The following QTMAN variants were observed in gnomAD, a reference collection of about 807,000 sequenced individuals.
The protein encoded by QTMAN is tRNA-queuosine alpha-mannosyltransferase.
the QTMAN span, among the ~76,000 whole-genome samples, chr2:144,124,041 G>C: frequency 6.6e-6 from 1 of 152,086 alleles, no homozygotes; most frequent in Non-Finnish European, 1.5e-5. Context: ...ACAAGAAACT[G>C]TCTCTGAGTT....
the QTMAN span, among the ~76,000 whole-genome samples, chr2:144,108,770 A>G: frequency 6.6e-6 from 1 of 152,214 alleles, no homozygotes; most frequent in Admixed American, 6.5e-5. Context: ...CACCAATAAC[A>G]GACTAACAGA....
chr2:143,945,715 T>A, the QTMAN span: 1 of 152,332 alleles, frequency 6.6e-6, no homozygotes, highest in South Asian at 2.1e-4. Flanking sequence ...TGTGCCTCAC[T>A]TTGTGGTGTA....
the QTMAN span, among the ~76,000 whole-genome samples, chr2:144,094,438 A>C: frequency 1.3e-5 from 2 of 152,212 alleles, no homozygotes; most frequent in Admixed American, 1.3e-4. Flanking sequence ...TCCAAGACTG[A>C]GTAATTTCTT....
the QTMAN span, among the ~76,000 whole-genome samples, chr2:144,276,672 A>G: frequency 2.0e-5 from 3 of 152,192 alleles, no homozygotes; most frequent in South Asian, 6.2e-4. Context: ...TTACTCATCA[A>G]AAATTTAGAT....
the QTMAN span, among the ~76,000 whole-genome samples, chr2:144,249,939 A>C: frequency 1.3e-5 from 2 of 152,160 alleles, no homozygotes; most frequent in South Asian, 4.1e-4. Flanking sequence ...ATTCTAGAAA[A>C]TGTAAACCAA....
At chr2:144,321,097 T>C in the QTMAN span, among the ~76,000 whole-genome samples, 1 of 152,154 alleles carries the variant, frequency 6.6e-6, no homozygotes, top group African/African-American at 2.4e-5. Context: ...AGAGAATATA[T>C]CACCCCCCAC....
chr2:144,164,774 T>C, the QTMAN span, among the ~76,000 whole-genome samples: 629 of 152,294 alleles, frequency 4.1e-3, 2 homozygotes, highest in African/African-American at 0.014. Context: ...CATTTGGAAG[T>C]AATTTTTCTC....
chr2:144,006,282 A>G, the QTMAN span: 1 of 152,074 alleles, frequency 6.6e-6, no homozygotes, highest in Admixed American at 6.6e-5. Flanking sequence ...CAACTGGGAG[A>G]GCTTCTAGAG....
the QTMAN span, among the ~76,000 whole-genome samples, chr2:144,312,733 C>T: frequency 6.6e-6 from 1 of 152,136 alleles, no homozygotes; most frequent in Non-Finnish European, 1.5e-5. Context: ...GGGTGGCTTC[C>T]CCCATGCTAT....
the QTMAN span, among the ~76,000 whole-genome samples, chr2:144,088,366 G>C: frequency 6.6e-6 from 1 of 152,030 alleles, no homozygotes; most frequent in South Asian, 2.1e-4. Flanking sequence ...TGGATTGGAA[G>C]AATTAATATT....
chr2:144,306,433 T>A, the QTMAN span, among the ~76,000 whole-genome samples: 1 of 152,234 alleles, frequency 6.6e-6, no homozygotes, highest in Non-Finnish European at 1.5e-5. Context: ...TTCAGTTAGC[T>A]GGTGAGGGCC....
At chr2:144,326,037 G>T in the QTMAN span, among the ~76,000 whole-genome samples, 9 of 152,052 alleles carry the variant, frequency 5.9e-5, no homozygotes, top group African/African-American at 2.2e-4. Context: ...TTATGAGCAG[G>T]CATTTAAAGG....
chr2:143,957,294 T>A, the QTMAN span: 1 of 1,609,800 alleles, frequency 6.2e-7, no homozygotes, highest in Non-Finnish European at 8.5e-7. Context: ...GTAGCCCCAG[T>A]GTAAGACAGA....
the QTMAN span, among the ~76,000 whole-genome samples, chr2:143,961,286 A>C: frequency 6.6e-6 from 1 of 152,102 alleles, no homozygotes; most frequent in South Asian, 2.1e-4. Context: ...ATATTAAAAC[A>C]AGCAGGCCTT....
the QTMAN span, among the ~76,000 whole-genome samples, chr2:144,090,524 G>A: frequency 6.6e-6 from 1 of 151,778 alleles, no homozygotes; most frequent in African/African-American, 2.4e-5. Flanking sequence ...GAAACTGATG[G>A]ATACAAGATA....
At chr2:144,004,044 C>T in the QTMAN span, among the ~76,000 whole-genome samples, 1 of 151,966 alleles carries the variant, frequency 6.6e-6, no homozygotes, top group Non-Finnish European at 1.5e-5. Flanking sequence ...GTTCCTTTCT[C>T]CTTTAGGTTT....
chr2:144,257,611 T>C, the QTMAN span, among the ~76,000 whole-genome samples: 3 of 152,172 alleles, frequency 2.0e-5, no homozygotes, highest in Non-Finnish European at 4.4e-5. Flanking sequence ...AAGAAATATC[T>C]TGGGTGATGG....
At chr2:144,028,035 C>G in the QTMAN span, among the ~76,000 whole-genome samples, 1 of 152,112 alleles carries the variant, frequency 6.6e-6, no homozygotes, top group Non-Finnish European at 1.5e-5. Flanking sequence ...TTCTGTTTAC[C>G]TCATATTATT....
chr2:144,077,925 G>A, the QTMAN span, among the ~76,000 whole-genome samples: 8 of 152,056 alleles, frequency 5.3e-5, no homozygotes, highest in Non-Finnish European at 1.0e-4. Context: ...GAAGTGCAAG[G>A]ATTTATGCAA....
Sources: gnomAD v4.1 joint callset for allele counts (sites outside exome capture counted in the v4.1 genomes callset) on GRCh38, gnomAD v4.1.1 for gene constraint, MANE v1.5 for transcripts, NCBI Gene and HGNC (gene_info 2026-07-23, HGNC 2026-07-21) for gene names.